Variants in AKR7A2 observed in about 807,000 individuals in gnomAD.
AKR7A2 encodes aflatoxin B1 aldehyde reductase member 2.
Under a neutral mutation model 37.3 loss-of-function variants are expected in AKR7A2, and 29 were observed. The observed-to-expected ratio is 0.78, with a 90% CI of 0.58 to 1.06. The LOEUF is 1.06. Among genes scored for constraint, AKR7A2 ranks in the 50% least tolerant of loss-of-function variants. The pLI, the probability that AKR7A2 is intolerant of heterozygous loss-of-function variation, is 0.00. For missense variants in AKR7A2, 529 were observed against 497.9 expected (o/e 1.06, Z -0.59); for synonymous variants, 228 against 217.8 (o/e 1.05, Z -0.41).
chr1:19,307,061 G>A lies in AKR7A2; in HGVS notation c.729C>T (p.Asp243=), dbSNP rs567174054. The change falls in exon 5 of 7, where the codon GAC becomes GAT. Residue 243 remains aspartate, a synonymous_variant. Transcript: ENST00000235835. ...AGAAGCGGCCCACAGGCTGTTTCCCGTCCTTGTCCTCATACTTGTACTTGC... is the reference window on the plus strand; with the variant it reads ...AGAAGCGGCCCACAGGCTGTTTCCCATCCTTGTCCTCATACTTGTACTTGC... ...LTGKYKYEDK[D]GKQPVGRFFG... 77 of 1,614,114 alleles carry A rather than the reference G, an allele frequency of 4.8e-5. No individual in the cohort carries two copies. Among genetic ancestry groups the A allele is most frequent in the South Asian group, 3.2e-4 (29 of 91,086 alleles).
rs761951613 is a variant in AKR7A2 at position 19,311,879 on chromosome 1, G to A, written c.246C>T (p.Ser82=). The A allele has an allele frequency of 1.1e-4, 182 of 1,610,672 alleles. No individual in the cohort carries two copies. Among genetic ancestry groups the A allele is most frequent in the Non-Finnish European group, 1.5e-4 (177 of 1,179,584 alleles). Residue 82 remains serine (S), a synonymous_variant, in exon 1 of 7, where the codon TCC becomes TCT. Coordinates refer to ENST00000235835, the MANE Select transcript of AKR7A2 (RefSeq NM_003689.4). The stretch of plus-strand genomic sequence containing the variant: ...GCCCCAGGCCGCCCAGGATGGTCTC[G>A]GACTGGCCGTCGCTGTACATGAAGG... The part of the protein sequence containing the change: ...DTAFMYSDGQ[S]ETILGGLGLG...
At chr1:19,310,395 A>G (rs1289688670) in intron 1 of AKR7A2, among the ~76,000 whole-genome samples, 3 of 152,080 alleles carry the variant, frequency 2.0e-5, no homozygotes, top group Non-Finnish European at 4.4e-5. Flanking sequence ...CAAAATCTTC[A>G]TTATTAATAG....
intron 6 of AKR7A2, among the ~76,000 whole-genome samples, chr1:19,305,704 G>C (rs189196203): frequency 1.1e-4 from 16 of 152,348 alleles, no homozygotes; most frequent in African/African-American, 3.8e-4. Context: ...GGTGAGATGG[G>C]TGGGTCTTAG....
chr1:19,310,877 G>A lies in AKR7A2; in HGVS notation c.298+950C>T, dbSNP rs571715578. The stretch of plus-strand genomic sequence containing the variant: ...AAGCATGGTAAGGGTAACAGCCCAC[G>A]TTCCCTGGGCCCTCACTGAGTGCCA... On this transcript the variant is annotated intron_variant, in intron 1 of 6. Transcript: ENST00000235835. Among the ~76,000 whole-genome samples, 4 of 152,120 alleles carry A rather than the reference G, an allele frequency of 2.6e-5. No individual in the cohort carries two copies. The East Asian group carries it at 5.8e-4, about 22-fold the overall frequency.
chr1:19,307,463 G>A, intron 3 of AKR7A2, 53 bp from the exon 4 acceptor site: 2 of 1,591,474 alleles, frequency 1.3e-6, no homozygotes, highest in Non-Finnish European at 8.6e-7. Context: ...AGAAGGAACT[G>A]TTGCCTTCCA....
At chr1:19,310,353 G>T (rs2093769976) in intron 1 of AKR7A2, among the ~76,000 whole-genome samples, 1 of 152,146 alleles carries the variant, frequency 6.6e-6, no homozygotes, top group Non-Finnish European at 1.5e-5. Context: ...CGGAAGCGGG[G>T]AAGGGTTAGA....
chr1:19,308,756 G>A (rs2093767029), intron 1 of AKR7A2, 114 bp from the exon 2 acceptor site: 5 of 1,061,678 alleles, frequency 4.7e-6, no homozygotes, highest in African/African-American at 1.6e-5. Context: ...TGTAAAATGG[G>A]GTGATAATAA....
In AKR7A2 at chr1:19,312,096, G is replaced by C. The variant is rs773005644; in HGVS notation, c.29C>G (p.Ser10Cys). Reference sequence around the variant, plus strand: ...AAGCGCGCAGTGGACGGCGGCGCGGGAGACTACGCGAGACGCGGCACTCAG... The same window carrying C: ...AAGCGCGCAGTGGACGGCGGCGCGGCAGACTACGCGAGACGCGGCACTCAG... MLSAASRVV[S>C]RAAVHCALRS... is the part of the protein sequence containing the mutation. The change falls in exon 1 of 7, where the codon TCC becomes TGC. Residue 10 changes from serine (S) to cysteine (C), a missense_variant. Physicochemically the swap from Ser to Cys is moderately radical, Grantham distance 112. Transcript: ENST00000235835. 2.3e-6 allele frequency: 3 copies of C among 1,329,994 alleles called. No homozygotes were observed. The highest frequency in any genetic ancestry group is 3.2e-5 in the East Asian group (1 of 31,686). The allele number at this position is 1,329,994 out of a possible 1,614,324, so 82.4% of individuals were successfully genotyped here.
chr1:19,310,650 TG>T (rs1451280530), intron 1 of AKR7A2, among the ~76,000 whole-genome samples: 1 of 152,126 alleles, frequency 6.6e-6, no homozygotes, highest in Non-Finnish European at 1.5e-5. Flanking sequence ...CCACCCTGGG[TG>T]ACAGAGCAAG....
At chr1:19,311,639 GAA>G (rs1019739547) in intron 1 of AKR7A2, among the ~76,000 whole-genome samples, 186 bp downstream of exon 1, 5 of 151,908 alleles carry the variant, frequency 3.3e-5, no homozygotes, top group Non-Finnish European at 7.4e-5. Flanking sequence ...GAGAGTGGGG[GAA>G]AGGAGTCAGG....
chr1:19,310,841 T>C (rs1179111941), intron 1 of AKR7A2, among the ~76,000 whole-genome samples: 2 of 151,818 alleles, frequency 1.3e-5, no homozygotes, highest in Non-Finnish European at 2.9e-5. Context: ...CTCAGGATAG[T>C]CCAGTGGGTG....
chr1:19,308,109 G>C, intron 3 of AKR7A2, 49 bp downstream of exon 3: 1 of 1,611,512 alleles, frequency 6.2e-7, no homozygotes, highest in Non-Finnish European at 8.5e-7. Flanking sequence ...GAGAGCCCAG[G>C]ATTAGCAGGA....
At position 19,307,310 on chromosome 1, in the gene AKR7A2, G is replaced by A. The variant is rs370512155; in HGVS notation, c.688+4C>T. 7.1e-5 allele frequency: 114 copies of A among 1,612,876 alleles called. No individual in the cohort carries two copies. Among genetic ancestry groups the A allele is most frequent in the Non-Finnish European group, 9.3e-5 (110 of 1,179,960 alleles). ...TGAGACAGGGTCAGGAATGCTCCACGTACCAGCCAGAGGGTTGTAGGCATA... is the reference window on the plus strand; with the variant it reads ...TGAGACAGGGTCAGGAATGCTCCACATACCAGCCAGAGGGTTGTAGGCATA... On this transcript the variant is annotated splice_donor_region_variant and intron_variant, in intron 4 of 6. Coordinates refer to ENST00000235835, the MANE Select transcript of AKR7A2 (RefSeq NM_003689.4).
In AKR7A2 at chr1:19,307,048, C is replaced by G; in HGVS notation, c.742G>C (p.Val248Leu). 3 of 1,614,218 alleles carry G rather than the reference C, an allele frequency of 1.9e-6. No homozygotes were observed. The highest frequency in any genetic ancestry group is 2.5e-6 in the Non-Finnish European group (3 of 1,180,044). The change falls in exon 5 of 7, where the codon GTG (valine) becomes CTG (leucine). Residue 248 changes from valine to leucine, a missense_variant. Coordinates refer to ENST00000235835, the MANE Select transcript of AKR7A2 (RefSeq NM_003689.4). ...CAGCTATTCCCAAAGAAGCGGCCCA[C>G]AGGCTGTTTCCCGTCCTTGTCCTCA... ...KYEDKDGKQP[V>L]GRFFGNSWAE...
In AKR7A2 at chr1:19,307,427, C is replaced by CCCGG; in HGVS notation, c.592-21_592-18dup. The CCCGG allele has an allele frequency of 6.2e-7, 1 of 1,613,882 alleles. No homozygotes were observed. The highest frequency in any genetic ancestry group is 8.5e-7 in the Non-Finnish European group (1 of 1,179,848). The stretch of plus-strand genomic sequence containing the variant: ...GTACATGCCCTGCAGGGAGAGGGAC[C>CCCGG]CCGGGGACAGGGTGGACATGTCAAG... On this transcript the variant is annotated splice_polypyrimidine_tract_variant and intron_variant, in intron 3 of 6. Coordinates refer to ENST00000235835, the MANE Select transcript of AKR7A2 (RefSeq NM_003689.4).
Position 19,305,976 on chromosome 1 carries a change from C to A in AKR7A2, c.918+42G>T, listed in dbSNP as rs1484483625. 3.1e-6 allele frequency: 5 copies of A among 1,612,904 alleles called. 1 individual carries two copies. Among genetic ancestry groups the A allele is most frequent in the African/African-American group, 2.7e-5 (2 of 74,914 alleles). On this transcript the variant is annotated intron_variant, in intron 6 of 6. Transcript: ENST00000235835. ...CTTCACCTAAAGGTGACGCTGGTCC[C>A]CCTGGAAGGGAAGAAGCTGAGCACC...
chr1:19,312,058 G>T lies in AKR7A2; in HGVS notation c.67C>A (p.Pro23Thr). 1 of 1,365,012 alleles carries T rather than the reference G, an allele frequency of 7.3e-7. No homozygotes were observed. Among genetic ancestry groups the T allele is most frequent in the Non-Finnish European group, 9.4e-7 (1 of 1,066,806 alleles). 84.6% of individuals were successfully genotyped at this position (1,365,012 alleles called of 1,614,324 possible). A position where few individuals can be genotyped will look rare whatever the true frequency, so the allele number is the denominator to read the frequency against. Residue 23 changes from proline (P) to threonine (T), a missense_variant, in exon 1 of 7, where the codon CCC (proline) becomes ACC (threonine). Pro to Thr is a conservative substitution (Grantham distance 38). Coordinates refer to ENST00000235835, the MANE Select transcript of AKR7A2 (RefSeq NM_003689.4). The stretch of plus-strand genomic sequence containing the variant: ...GACATGGCGAGCGCGCGGGCCTCGG[G>T]CGGCGGAGAGCGAAGCGCGCAGTGG... The part of the protein sequence containing the change: ...AVHCALRSPP[P>T]EARALAMSRP...
Position 19,312,069 on chromosome 1 carries a change from C to T in AKR7A2, c.56G>A (p.Arg19His). The T allele has an allele frequency of 7.4e-7, 1 of 1,356,454 alleles. No individual in the cohort carries two copies. Among genetic ancestry groups the T allele is most frequent in the South Asian group, 1.9e-5 (1 of 52,798 alleles). The allele number at this position is 1,356,454 out of a possible 1,614,324, so 84.0% of individuals were successfully genotyped here. ...VSRAAVHCALRSPPPEARALA... is the reference protein window; with the variant it reads ...VSRAAVHCALHSPPPEARALA... ...CGCGCGGGCCTCGGGCGGCGGAGAGCGAAGCGCGCAGTGGACGGCGGCGCG... is the reference window on the plus strand; with the variant it reads ...CGCGCGGGCCTCGGGCGGCGGAGAGTGAAGCGCGCAGTGGACGGCGGCGCG... The change falls in exon 1 of 7, where the codon CGC becomes CAC. Residue 19 changes from arginine (R) to histidine (H), a missense_variant. Coordinates refer to ENST00000235835, the MANE Select transcript of AKR7A2 (RefSeq NM_003689.4).
rs564047902 is a variant in AKR7A2 at position 19,309,226 on chromosome 1, T to C, written c.299-584A>G. On this transcript the variant is annotated intron_variant, in intron 1 of 6. Transcript: ENST00000235835. ...TTCTAGAGCAAGGAGCAGTGGGACGTAGGACAAGAGACAGGGACAGACCTC... is the reference window on the plus strand; with the variant it reads ...TTCTAGAGCAAGGAGCAGTGGGACGCAGGACAAGAGACAGGGACAGACCTC... Among the ~76,000 whole-genome samples, 236 of 152,300 alleles carry C rather than the reference T, an allele frequency of 1.5e-3. 2 individuals carry two copies. The highest frequency in any genetic ancestry group is 5.6e-3 in the African/African-American group (231 of 41,556).
Sources: gnomAD v4.1 joint callset for allele counts (sites outside exome capture counted in the v4.1 genomes callset) on GRCh38, gnomAD v4.1.1 for gene constraint, MANE v1.5 for transcripts, NCBI Gene and HGNC (gene_info 2026-07-23, HGNC 2026-07-21) for gene names.